CPSF1: variants seen among roughly 807,000 people sequenced by gnomAD.
CPSF1 encodes cleavage and polyadenylation specific factor 1, also known as cleavage and polyadenylation specificity factor subunit 1.
CPSF1 carries 106 observed loss-of-function variants against 175.8 expected under a neutral mutation model. That is an observed-to-expected ratio of 0.60 (90% CI 0.52 to 0.71). CPSF1 has a LOEUF of 0.71. Ranked by LOEUF, CPSF1 falls within the 30% of genes least tolerant of loss-of-function variation. CPSF1 has a pLI of 0.00. For missense variants in CPSF1, 1,734 were observed against 2,022.9 expected, an observed-to-expected ratio of 0.86 and a Z score of 2.74; for synonymous variants, 1,024 against 858.3, an observed-to-expected ratio of 1.19 and a Z score of -3.37.
chr8:144,394,337 C>T (rs781909110), intron 32 of CPSF1, 37 bp from the exon 33 acceptor site: 19 of 1,585,628 alleles, frequency 1.2e-5, no homozygotes, highest in African/African-American at 1.1e-4. Context: ...GTGCCTTGGG[C>T]GGGTACCCAC....
rs1821175509 is a variant in CPSF1, at chr8:144,401,068, A to T, written c.395T>A (p.Phe132Tyr). 5 of 1,606,436 alleles carry T rather than the reference A, an allele frequency of 3.1e-6. No individual in the cohort carries two copies. In the South Asian group the frequency reaches 4.4e-5, roughly 14 times the overall value. ...YFEEPELRDG[F>Y]VQNVHTPRVR... The stretch of plus-strand genomic sequence containing the variant: ...TCGCGGCGTGTGTACATTCTGCACA[A>T]ACCCGTCCTGGGGGCAGAGGGGGCA... The change falls in exon 6 of 38, where the codon TTT (phenylalanine) becomes TAT (tyrosine). Residue 132 changes from phenylalanine to tyrosine, a missense_variant. By Grantham distance (22) the Phe-to-Tyr change is conservative. Transcript: ENST00000616140.
At position 144,401,295 on chromosome 8, in the gene CPSF1, C is replaced by T. The variant is rs201643501; in HGVS notation, c.307-4G>A. ...GGTCGTACTCCACCACAGACAGCTG[C>T]GGTCAGAGGGCACAGCCGTGGCTGC... On this transcript the variant is annotated splice_polypyrimidine_tract_variant and splice_region_variant and intron_variant, in intron 4 of 37. Coordinates refer to ENST00000616140, the MANE Select transcript of CPSF1 (RefSeq NM_013291.3). The T allele has an allele frequency of 3.6e-5, 57 of 1,569,992 alleles. No individual in the cohort carries two copies. The East Asian group carries it at 5.8e-4, about 16-fold the overall frequency.
intron 2 of CPSF1, 146 bp from the exon 3 acceptor site, chr8:144,401,819 G>T: frequency 1.2e-6 from 1 of 869,404 alleles, no homozygotes; most frequent in African/African-American, 1.7e-5. Context: ...AGGGCTTCTG[G>T]AGACAGCTGT....
rs1227979759 is a variant in CPSF1, at chr8:144,399,063, C to T, written c.1468-25G>A. The T allele has an allele frequency of 1.3e-6, 2 of 1,556,244 alleles. No homozygotes were observed. Among genetic ancestry groups the T allele is most frequent in the Non-Finnish European group, 1.7e-6 (2 of 1,150,298 alleles). On this transcript the variant is annotated intron_variant, in intron 15 of 37. Coordinates refer to ENST00000616140, the MANE Select transcript of CPSF1 (RefSeq NM_013291.3). The surrounding 1 kb of genome is among the most constrained non-coding windows in gnomAD (Gnocchi z 6.4). ...ACTGCACAGGACTCGGGGGTGAGGA[C>T]TATGCCCCCCACCCCCCCTCACACT...
At chr8:144,403,062 G>A (rs2116893391) in intron 2 of CPSF1, among the ~76,000 whole-genome samples, 1 of 151,802 alleles carries the variant, frequency 6.6e-6, no homozygotes, top group East Asian at 1.9e-4. Flanking sequence ...AGGCATTCGT[G>A]ATAAAAACTC....
chr8:144,397,171 A>AAG, intron 23 of CPSF1, 36 bp downstream of exon 23: 1 of 1,504,200 alleles, frequency 6.6e-7, no homozygotes, highest in Non-Finnish European at 8.9e-7. Flanking sequence ...GGCCAGGGGG[A>AAG]AGATGGGAAG....
rs1820948714 is a variant in CPSF1 at position 144,398,575 on chromosome 8, C to T, written c.1702G>A (p.Asp568Asn). 8 of 1,613,854 alleles carry T rather than the reference C, an allele frequency of 5.0e-6. No homozygotes were observed. The highest frequency in any genetic ancestry group is 2.7e-5 in the African/African-American group (2 of 74,940). Residue 568 changes from aspartate (D) to asparagine (N), a missense_variant, in exon 18 of 38, where the codon GAC becomes AAC. Asp to Asn is a conservative substitution (Grantham distance 23). Coordinates refer to ENST00000616140, the MANE Select transcript of CPSF1 (RefSeq NM_013291.3). ...ATCAGGAATCCGTGTCTGCGGCCGTCGTCGTCTGCTTCAGGGGTGGTGCTG... is the reference window on the plus strand; with the variant it reads ...ATCAGGAATCCGTGTCTGCGGCCGTTGTCGTCTGCTTCAGGGGTGGTGCTG... ...EPSTTPEADDDGRRHGFLILS... is the reference protein window; with the variant it reads ...EPSTTPEADDNGRRHGFLILS...
At position 144,394,118 on chromosome 8, in the gene CPSF1, G is replaced by A. The variant is rs782136527; in HGVS notation, c.3854C>T (p.Pro1285Leu). 2.9e-5 allele frequency: 47 copies of A among 1,612,520 alleles called. No individual in the cohort carries two copies. The highest frequency in any genetic ancestry group is 3.3e-5 in the Non-Finnish European group (39 of 1,179,752). ...DRNLMVYMYL[P>L]EAKESFGGMR... Reference sequence around the variant, plus strand: ...GGGGTGGAGGAAGCACTCACCTTCGGGCAGGTACATGTACACCATGAGGTT... The same window carrying A: ...GGGGTGGAGGAAGCACTCACCTTCGAGCAGGTACATGTACACCATGAGGTT... The change falls in exon 34 of 38, where the codon CCC becomes CTC. Residue 1285 changes from proline to leucine, a missense_variant. Transcript: ENST00000616140.
At position 144,407,142 on chromosome 8, in the gene CPSF1, T is replaced by C. The variant is rs2116907427; in HGVS notation, c.144+1873A>G. 2.8e-3 allele frequency among the ~76,000 whole-genome samples: 429 copies of C among 152,066 alleles called. 3 individuals are homozygous for C. Among genetic ancestry groups the C allele is most frequent in the African/African-American group, 9.6e-3 (397 of 41,476 alleles). On this transcript the variant is annotated intron_variant, in intron 2 of 37. Coordinates refer to ENST00000616140, the MANE Select transcript of CPSF1 (RefSeq NM_013291.3). Reference sequence around the variant, plus strand: ...GTTGGCCAGACTGGTCTCGAACCCATGACCTCAGGTGATCTACTACCTGCC... The same window carrying C: ...GTTGGCCAGACTGGTCTCGAACCCACGACCTCAGGTGATCTACTACCTGCC...
At chr8:144,402,522 C>G (rs1019165186) in intron 2 of CPSF1, among the ~76,000 whole-genome samples, 2 of 152,106 alleles carry the variant, frequency 1.3e-5, no homozygotes, top group South Asian at 4.1e-4. Flanking sequence ...CCAGGCTGGT[C>G]TCGAACTCCT....
At position 144,395,326 on chromosome 8, in the gene CPSF1, C is replaced by T. The variant is rs138392723; in HGVS notation, c.3126G>A (p.Thr1042=). Residue 1042 remains threonine, a synonymous_variant, in exon 28 of 38, where the codon ACG becomes ACA. Transcript: ENST00000616140. The part of the protein sequence containing the change: ...KVYAVATSTN[T]PCARIPRMTG... ...TCATGCGTGGGATGCGGGCACACGGCGTGTTGGTGCTGGTGGCCACAGCAT... is the reference window on the plus strand; with the variant it reads ...TCATGCGTGGGATGCGGGCACACGGTGTGTTGGTGCTGGTGGCCACAGCAT... The T allele has an allele frequency of 2.0e-4, 330 of 1,612,522 alleles. No homozygotes were observed. In the African/African-American group the frequency reaches 3.8e-3, roughly 18 times the overall value.
chr8:144,399,051 C>T lies in CPSF1; in HGVS notation c.1468-13G>A, dbSNP rs2116857507. ...GGCTGTTCTGAAACTGCACAGGACTCGGGGGTGAGGACTATGCCCCCCACC... is the reference window on the plus strand; with the variant it reads ...GGCTGTTCTGAAACTGCACAGGACTTGGGGGTGAGGACTATGCCCCCCACC... On this transcript the variant is annotated splice_polypyrimidine_tract_variant and intron_variant, in intron 15 of 37. Coordinates refer to ENST00000616140, the MANE Select transcript of CPSF1 (RefSeq NM_013291.3). The surrounding 1 kb of genome is among the most constrained non-coding windows in gnomAD (Gnocchi z 6.4). 3.6e-5 allele frequency: 57 copies of T among 1,573,814 alleles called. No individual in the cohort carries two copies. In the African/African-American group the frequency reaches 5.5e-4, roughly 15 times the overall value.
At chr8:144,397,060 G>T in intron 23 of CPSF1, 131 bp from the exon 24 acceptor site, 3 of 915,284 alleles carry the variant, frequency 3.3e-6, no homozygotes, top group Non-Finnish European at 5.0e-6. Context: ...GGAAGGGGCG[G>T]GGCTGTGAGG....
chr8:144,396,998 G>A (rs1820805957), intron 23 of CPSF1, 69 bp from the exon 24 acceptor site: 1 of 1,229,540 alleles, frequency 8.1e-7, no homozygotes, highest in Non-Finnish European at 1.2e-6. Context: ...GCCATGGGAA[G>A]AGGTGGGCTG....
Position 144,397,430 on chromosome 8 carries a change from A to G in CPSF1, c.2386-17T>C. On this transcript the variant is annotated splice_polypyrimidine_tract_variant and intron_variant, in intron 22 of 37. Transcript: ENST00000616140. ...CTGGTAGATCTGCAGGGTGGGCAGC[A>G]GTCAGTGGAGGCAGGTGGGTGGAAC... 1 of 1,577,858 alleles carries G rather than the reference A, an allele frequency of 6.3e-7. No individual in the cohort carries two copies. Among genetic ancestry groups the G allele is most frequent in the Non-Finnish European group, 8.6e-7 (1 of 1,161,530 alleles).
In CPSF1 at chr8:144,395,421, G is replaced by A; in HGVS notation, c.3096+14C>T. 1 of 1,612,860 alleles carries A rather than the reference G, an allele frequency of 6.2e-7. No homozygotes were observed. The highest frequency in any genetic ancestry group is 2.2e-5 in the East Asian group (1 of 44,870). ...GCCCAGAAGGTCCCTGGTGGGGTGGGGGTGGGGGCAGACCTTAGACTCCAC... is the reference window on the plus strand; with the variant it reads ...GCCCAGAAGGTCCCTGGTGGGGTGGAGGTGGGGGCAGACCTTAGACTCCAC... On this transcript the variant is annotated intron_variant, in intron 27 of 37. Transcript: ENST00000616140.
At chr8:144,395,716 A>G in intron 26 of CPSF1, 165 bp from the exon 27 acceptor site, 1 of 626,062 alleles carries the variant, frequency 1.6e-6, no homozygotes. Flanking sequence ...GCTGCCACTC[A>G]GCCTCTGGGG....
intron 9 of CPSF1, 31 bp downstream of exon 9, chr8:144,400,135 G>GGGGGGGCCCCCCCCCCCCCCCCCCCCCC: frequency 2.2e-6 from 2 of 896,006 alleles, no homozygotes; most frequent in Non-Finnish European, 3.2e-6. Context: ...CCGTCCCCGG[G>GGGGGGGCCCCCCCCCCCCCCCCCCCCCC]CCCCCCCCGC....
At chr8:144,405,548 C>G (rs1476997119) in intron 2 of CPSF1, among the ~76,000 whole-genome samples, 1 of 151,938 alleles carries the variant, frequency 6.6e-6, no homozygotes, top group African/African-American at 2.4e-5. Flanking sequence ...TGCTTGAACC[C>G]GGGAGGCAGA....
Sources: gnomAD v4.1 joint callset for allele counts (sites outside exome capture counted in the v4.1 genomes callset) on GRCh38, gnomAD v4.1.1 for gene constraint, Gnocchi (gnomAD v3.1) non-coding constraint, MANE v1.5 for transcripts, NCBI Gene and HGNC (gene_info 2026-07-23, HGNC 2026-07-21) for gene names.